The following SHANK2 variants were observed in gnomAD, a reference collection of about 807,000 sequenced individuals.
The protein encoded by SHANK2 is SH3 and multiple ankyrin repeat domains 2, also known as SH3 and multiple ankyrin repeat domains protein 2.
A neutral mutation model predicts 133.7 loss-of-function variants in SHANK2; 43 were observed. The observed-to-expected ratio is 0.32, with a 90% CI of 0.25 to 0.41. The LOEUF is 0.41. Ranked by LOEUF, SHANK2 falls within the 10% of genes least tolerant of loss-of-function variation. SHANK2 has a pLI of 1.00. For synonymous variants in SHANK2, 1,017 were observed against 952.8 expected, an observed-to-expected ratio of 1.07 and a Z score of -1.24; for missense variants, 1,994 against 2,235.8, an observed-to-expected ratio of 0.89 and a Z score of 2.18.
chr11:70,890,288 G>C (rs1414654671), intron 11 of SHANK2, among the ~76,000 whole-genome samples: 2 of 152,034 alleles, frequency 1.3e-5, no homozygotes, highest in African/African-American at 4.8e-5. Context: ...CAGATCACCT[G>C]AGGTCAGGAG....
intron 2 of SHANK2, among the ~76,000 whole-genome samples, chr11:71,207,719 G>A (rs188100004): frequency 7.2e-5 from 11 of 152,280 alleles, no homozygotes; most frequent in Admixed American, 4.6e-4. Context: ...CAGCTGCCCC[G>A]TGTGACCCCG....
At chr11:70,944,978 T>A (rs781785845) in intron 10 of SHANK2, among the ~76,000 whole-genome samples, 16 of 152,242 alleles carry the variant, frequency 1.1e-4, no homozygotes, top group Non-Finnish European at 2.1e-4. Context: ...TTAGGTACAG[T>A]ATCTCCTTTG....
chr11:70,904,789 T>G (rs782078631), intron 10 of SHANK2, among the ~76,000 whole-genome samples: 7 of 152,158 alleles, frequency 4.6e-5, no homozygotes, highest in Non-Finnish European at 7.4e-5. Context: ...AGTACAGGCA[T>G]GAGCCATCGT....
At chr11:70,783,972 AC>A (rs1947575825) in intron 14 of SHANK2, among the ~76,000 whole-genome samples, 1 of 152,136 alleles carries the variant, frequency 6.6e-6, no homozygotes, top group Non-Finnish European at 1.5e-5. Flanking sequence ...TGGAGGTGAC[AC>A]AGACTCAGGG....
chr11:70,625,023 C>A (rs1214049104), intron 17 of SHANK2, among the ~76,000 whole-genome samples: 1 of 152,194 alleles, frequency 6.6e-6, no homozygotes, highest in East Asian at 1.9e-4. Context: ...GTCTCCAAGA[C>A]CACCCTCAGG....
chr11:70,803,498 G>A (rs1388812569), intron 13 of SHANK2, among the ~76,000 whole-genome samples: 1 of 151,384 alleles, frequency 6.6e-6, no homozygotes, highest in Non-Finnish European at 1.5e-5. Context: ...TCTACAATCC[G>A]TCACAGTCAG....
rs532183965 is a variant in SHANK2, at chr11:71,101,132, C to T, written c.593-6444G>A. 3.9e-5 allele frequency among the ~76,000 whole-genome samples: 6 copies of T among 152,260 alleles called. No homozygotes were observed. The East Asian group carries it at 9.7e-4, about 25-fold the overall frequency. On this transcript the variant is annotated intron_variant, in intron 6 of 25. Coordinates refer to ENST00000601538, the MANE Select transcript of SHANK2 (RefSeq NM_012309.5). ...ACCAGTGCATGCTGTCAATAACAGGCGAGCTGGAAGTGAAAGTGCATAGGG... is the reference window on the plus strand; with the variant it reads ...ACCAGTGCATGCTGTCAATAACAGGTGAGCTGGAAGTGAAAGTGCATAGGG...
At chr11:70,570,286 C>T (rs57183091) in intron 17 of SHANK2, among the ~76,000 whole-genome samples, 3 of 152,152 alleles carry the variant, frequency 2.0e-5, no homozygotes, top group Admixed American at 6.5e-5. Context: ...AGGTCGCTCC[C>T]GTTCTTGATG....
chr11:70,548,730 G>A (rs543789746), intron 17 of SHANK2, among the ~76,000 whole-genome samples: 1 of 152,342 alleles, frequency 6.6e-6, no homozygotes, highest in South Asian at 2.1e-4. Flanking sequence ...CCCGGAGCCT[G>A]TGAGCGTGAC....
intron 2 of SHANK2, among the ~76,000 whole-genome samples, chr11:71,187,446 C>T (rs1416113561): frequency 2.0e-5 from 3 of 151,598 alleles, no homozygotes; most frequent in Non-Finnish European, 2.9e-5. Context: ...ATGGGTTTCT[C>T]GTGTTTTATT....
chr11:70,483,986 C>T (rs1447903140), intron 25 of SHANK2, among the ~76,000 whole-genome samples: 1 of 152,224 alleles, frequency 6.6e-6, no homozygotes, highest in Non-Finnish European at 1.5e-5. Context: ...GATTAATGCA[C>T]TGAGTGGCTT....
chr11:70,946,059 TC>T (rs1555085325), intron 10 of SHANK2, among the ~76,000 whole-genome samples: 1 of 142,766 alleles, frequency 7.0e-6, no homozygotes. Flanking sequence ...AACCTCCCTC[TC>T]CGCTAACCAA....
intron 14 of SHANK2, chr11:70,706,094 C>G (rs1345198698): frequency 6.5e-6 from 1 of 154,342 alleles, no homozygotes; most frequent in Non-Finnish European, 1.4e-5. Context: ...GTGGCCCTGC[C>G]TGCTCCCTGG....
chr11:71,249,949 A>C (rs1294286598), intron 1 of SHANK2, among the ~76,000 whole-genome samples: 2 of 152,128 alleles, frequency 1.3e-5, no homozygotes, highest in African/African-American at 2.4e-5. Context: ...CCAGGCCTAG[A>C]CCAAGACCCC....
intron 17 of SHANK2, among the ~76,000 whole-genome samples, chr11:70,656,221 C>T (rs781895415): frequency 5.3e-5 from 8 of 152,196 alleles, no homozygotes; most frequent in Non-Finnish European, 1.0e-4. Flanking sequence ...ACTCTTATGG[C>T]AGGCTCACTC....
At chr11:71,089,134 G>T (rs2135088484) in intron 8 of SHANK2, among the ~76,000 whole-genome samples, 1 of 152,318 alleles carries the variant, frequency 6.6e-6, no homozygotes, top group South Asian at 2.1e-4. Context: ...TTCCAAGCAG[G>T]TCACCTTGGA....
At chr11:71,205,827 G>T (rs1386238785) in intron 2 of SHANK2, among the ~76,000 whole-genome samples, 1 of 152,152 alleles carries the variant, frequency 6.6e-6, no homozygotes, top group Non-Finnish European at 1.5e-5. Flanking sequence ...GATGGCCAAG[G>T]ATGGTCTCTT....
intron 10 of SHANK2, among the ~76,000 whole-genome samples, chr11:70,921,563 G>A (rs1358596068): frequency 6.6e-6 from 1 of 152,262 alleles, no homozygotes. Context: ...TTCTGAAATT[G>A]GGAGGAGCAG....
intron 15 of SHANK2, among the ~76,000 whole-genome samples, chr11:70,692,936 C>T (rs1945320248): frequency 6.6e-6 from 1 of 152,182 alleles, no homozygotes; most frequent in African/African-American, 2.4e-5. Flanking sequence ...CCTTGAGTGG[C>T]ATTAATGGAC....
Sources: gnomAD v4.1 joint callset for allele counts (sites outside exome capture counted in the v4.1 genomes callset) on GRCh38, gnomAD v4.1.1 for gene constraint, MANE v1.5 for transcripts, NCBI Gene and HGNC (gene_info 2026-07-23, HGNC 2026-07-21) for gene names.